Variants in SLC30A4 observed in about 807,000 individuals in gnomAD.
The protein encoded by SLC30A4 is probable proton-coupled zinc antiporter SLC30A4.
A neutral mutation model predicts 41.7 loss-of-function variants in SLC30A4; 20 were observed. The ratio of observed to expected loss-of-function variants is 0.48; its 90% CI spans 0.34 to 0.70. The LOEUF (loss-of-function observed/expected upper bound fraction) is 0.70. Ranked by LOEUF, SLC30A4 falls within the 30% of genes least tolerant of loss-of-function variation. The probability of loss-of-function intolerance (pLI) is 0.01; values close to 1 mark genes in which losing one functional copy is unlikely to be tolerated. For synonymous variants in SLC30A4, 181 were observed against 195.9 expected (o/e 0.92, Z 0.64); for missense variants, 441 against 529.3 (o/e 0.83, Z 1.64).
At chr15:45,503,580 C>A (rs181526312) in intron 3 of SLC30A4, among the ~76,000 whole-genome samples, 14 of 151,648 alleles carry the variant, frequency 9.2e-5, no homozygotes, top group Admixed American at 7.9e-4. Context: ...CGAGCCACTG[C>A]ACTCCAGCCT....
intron 2 of SLC30A4, 108 bp downstream of exon 2, chr15:45,521,856 T>C (rs756471638): frequency 1.7e-6 from 2 of 1,170,186 alleles, no homozygotes; most frequent in Admixed American, 4.9e-5. Flanking sequence ...TCTTGATAAA[T>C]ACAAACTTCC....
intron 5 of SLC30A4, among the ~76,000 whole-genome samples, chr15:45,488,328 T>C (rs1891746636): frequency 6.6e-6 from 1 of 152,130 alleles, no homozygotes; most frequent in South Asian, 2.1e-4. Flanking sequence ...ATCTCAGCAC[T>C]ATGGGAGGCT....
chr15:45,501,420 G>A (rs1227641880), intron 3 of SLC30A4, among the ~76,000 whole-genome samples: 6 of 152,184 alleles, frequency 3.9e-5, no homozygotes, highest in African/African-American at 1.2e-4. Context: ...CAAAACAAAT[G>A]ATTTAAGGAT....
intron 3 of SLC30A4, among the ~76,000 whole-genome samples, chr15:45,499,255 G>T (rs1399147555): frequency 6.6e-6 from 1 of 151,904 alleles, no homozygotes; most frequent in Non-Finnish European, 1.5e-5. Context: ...TGTATTTTTA[G>T]TAGAGACGGG....
At chr15:45,491,932 G>T (rs1453076210) in intron 3 of SLC30A4, among the ~76,000 whole-genome samples, 3 of 151,566 alleles carry the variant, frequency 2.0e-5, no homozygotes, top group Non-Finnish European at 4.4e-5. Context: ...CATAATAAAT[G>T]AAATTCAGAT....
chr15:45,517,076 G>A (rs892129387), intron 2 of SLC30A4, among the ~76,000 whole-genome samples: 4 of 151,626 alleles, frequency 2.6e-5, no homozygotes, highest in African/African-American at 9.7e-5. Flanking sequence ...AAATCCAAAG[G>A]ATGTTTTAGT....
In SLC30A4 at chr15:45,485,100, T is replaced by C. The variant is rs1455769576; in HGVS notation, c.*63A>G. ...TTCCATTTTCTCATTTAGGTTTGCA[T>C]TTATTGCTCTCAAGTCTGTGACTGC... On this transcript the variant is annotated 3_prime_UTR_variant, in exon 8 of 8. Coordinates refer to ENST00000261867, the MANE Select transcript of SLC30A4 (RefSeq NM_013309.6). The C allele has an allele frequency of 7.4e-7, 1 of 1,351,766 alleles. No homozygotes were observed. Among genetic ancestry groups the C allele is most frequent in the Non-Finnish European group, 1.0e-6 (1 of 965,110 alleles). The allele number at this position is 1,351,766 out of a possible 1,614,324, so 83.7% of individuals were successfully genotyped here.
At chr15:45,517,965 A>G (rs1892542115) in intron 2 of SLC30A4, among the ~76,000 whole-genome samples, 1 of 152,166 alleles carries the variant, frequency 6.6e-6, no homozygotes, top group Non-Finnish European at 1.5e-5. Flanking sequence ...AAACAAAAAC[A>G]AAAACAAAAA....
chr15:45,517,874 G>A (rs1044328272), intron 2 of SLC30A4, among the ~76,000 whole-genome samples: 2 of 151,674 alleles, frequency 1.3e-5, no homozygotes, highest in African/African-American at 4.8e-5. Context: ...CACGAACCCG[G>A]GAGGCAGAGC....
chr15:45,499,137 C>G (rs1891964565), intron 3 of SLC30A4, among the ~76,000 whole-genome samples: 1 of 147,330 alleles, frequency 6.8e-6, no homozygotes, highest in African/African-American at 2.5e-5. Flanking sequence ...GGCTGTAGTG[C>G]AGTGGCACCA....
At chr15:45,512,199 C>G (rs1182907427) in intron 2 of SLC30A4, among the ~76,000 whole-genome samples, 2 of 152,102 alleles carry the variant, frequency 1.3e-5, no homozygotes, top group Non-Finnish European at 2.9e-5. Context: ...CCATAATGGA[C>G]AACCAATTTT....
chr15:45,510,311 C>G (rs146982651), intron 3 of SLC30A4, among the ~76,000 whole-genome samples: 261 of 152,088 alleles, frequency 1.7e-3, no homozygotes, highest in African/African-American at 6.1e-3. Flanking sequence ...AACAAAAAAT[C>G]TACAGTCTAA....
In SLC30A4 at chr15:45,487,539, T is replaced by A. The variant is rs757869232; in HGVS notation, c.988A>T (p.Ile330Leu). The change falls in exon 6 of 8, where the codon ATA becomes TTA. Residue 330 changes from isoleucine to leucine, a missense_variant. Ile to Leu is a conservative substitution (Grantham distance 5). Coordinates refer to ENST00000261867, the MANE Select transcript of SLC30A4 (RefSeq NM_013309.6). Reference sequence around the variant, plus strand: ...AGTGAGATCTTACCTTCTAGTATTATAACTACTGTATCCCATATGATTCGA... The same window carrying A: ...AGTGAGATCTTACCTTCTAGTATTAAAACTACTGTATCCCATATGATTCGA... ...TFRIIWDTVV[I>L]ILEGVPSHLN... 1.8e-5 allele frequency: 27 copies of A among 1,463,300 alleles called. No individual in the cohort carries two copies. The highest frequency in any genetic ancestry group is 2.6e-5 in the Non-Finnish European group (27 of 1,043,944). The allele number at this position is 1,463,300 out of a possible 1,614,324, so 90.6% of individuals were successfully genotyped here.
chr15:45,481,265 C>T lies in SLC30A4; in HGVS notation c.*3898G>A, dbSNP rs1891599229. Reference sequence around the variant, plus strand: ...ACTCTAAGTTGTAAAAATCTGCACTCACATTACATAAGGCATAGCTAATGG... The same window carrying T: ...ACTCTAAGTTGTAAAAATCTGCACTTACATTACATAAGGCATAGCTAATGG... On this transcript the variant is annotated 3_prime_UTR_variant, in exon 8 of 8. Coordinates refer to ENST00000261867, the MANE Select transcript of SLC30A4 (RefSeq NM_013309.6). The T allele has an allele frequency of 6.6e-6, 1 of 152,180 alleles. No homozygotes were observed. The highest frequency in any genetic ancestry group is 1.5e-5 in the Non-Finnish European group (1 of 68,032). 9.4% of individuals were successfully genotyped at this position (152,180 alleles called of 1,614,324 possible).
rs759795542 is a variant in SLC30A4 at position 45,486,699 on chromosome 15, C to T, written c.1047G>A (p.Met349Ile). ...CGACTGAATATACATCTTCTATTTT[C>T]ATCAAGGCTTCTTTGATATAGTCTA... ...LNVDYIKEAL[M>I]KIEDVYSVED... Residue 349 changes from methionine (M) to isoleucine (I), a missense_variant, in exon 7 of 8, where the codon ATG becomes ATA. By Grantham distance (10) the Met-to-Ile change is conservative. Coordinates refer to ENST00000261867, the MANE Select transcript of SLC30A4 (RefSeq NM_013309.6). The T allele has an allele frequency of 2.5e-6, 4 of 1,595,302 alleles. No homozygotes were observed. Among genetic ancestry groups the T allele is most frequent in the Non-Finnish European group, 1.7e-6 (2 of 1,168,832 alleles).
chr15:45,491,017 T>C, intron 3 of SLC30A4, 136 bp from the exon 4 acceptor site: 1 of 561,264 alleles, frequency 1.8e-6, no homozygotes, highest in Non-Finnish European at 2.9e-6. Context: ...TGTCACGTCA[T>C]TTTTCTTATT....
intron 5 of SLC30A4, 130 bp from the exon 6 acceptor site, chr15:45,487,762 G>T: frequency 1.8e-6 from 1 of 556,980 alleles, no homozygotes; most frequent in Non-Finnish European, 3.3e-6. Context: ...TTAAAACTTG[G>T]ATATTGTAAT....
intron 3 of SLC30A4, among the ~76,000 whole-genome samples, chr15:45,506,038 C>T (rs1892150231): frequency 6.6e-6 from 1 of 151,952 alleles, no homozygotes; most frequent in African/African-American, 2.4e-5. Context: ...AAAGCCTCGT[C>T]TCTACAAAAA....
intron 3 of SLC30A4, among the ~76,000 whole-genome samples, chr15:45,507,350 A>AAATAAATG (rs1442438958): frequency 9.9e-5 from 15 of 150,802 alleles, no homozygotes; most frequent in African/African-American, 3.6e-4. Context: ...ATAAATAAAT[A>AAATAAATG]AATAAATAAT....
Sources: gnomAD v4.1 joint callset for allele counts (sites outside exome capture counted in the v4.1 genomes callset) on GRCh38, gnomAD v4.1.1 for gene constraint, MANE v1.5 for transcripts, NCBI Gene and HGNC (gene_info 2026-07-23, HGNC 2026-07-21) for gene names.